The following EML6 variants were observed in gnomAD, a reference collection of about 807,000 sequenced individuals.
EML6 encodes EMAP like 6.
EML6 carries 154 observed loss-of-function variants against 240.1 expected under a neutral mutation model. That is an observed-to-expected ratio of 0.64 (90% CI 0.56 to 0.73). The LOEUF is 0.73. EML6 is among the 30% of genes least tolerant of loss of function. EML6 has a pLI of 0.00. For missense variants in EML6, 2,964 were observed against 2,474.6 expected, an observed-to-expected ratio of 1.20 and a Z score of -4.20; for synonymous variants, 1,148 against 899.0, an observed-to-expected ratio of 1.28 and a Z score of -4.95.
At position 54,964,144 on chromosome 2, in the gene EML6, T is replaced by A; in HGVS notation, c.5316T>A (p.Ala1772=). The A allele has an allele frequency of 1.3e-6, 2 of 1,551,590 alleles. No homozygotes were observed. Among genetic ancestry groups the A allele is most frequent in the Non-Finnish European group, 1.7e-6 (2 of 1,146,926 alleles). Residue 1772 remains alanine, a synonymous_variant, in exon 37 of 42, where the codon GCT becomes GCA. Coordinates refer to ENST00000356458, the MANE Select transcript of EML6 (RefSeq NM_001039753.4). ...VWGKKRDRKS[A]IQDIRISPDN... ...GGAAAAAACGAGACCGGAAATCTGC[T>A]ATCCAAGATATCAGGTACCTAAGTG...
intron 8 of EML6, among the ~76,000 whole-genome samples, chr2:54,847,127 C>T (rs1021296480): frequency 1.4e-5 from 2 of 147,182 alleles, no homozygotes; most frequent in African/African-American, 2.5e-5. Flanking sequence ...AGGCTATTCT[C>T]GAACTCCTGG....
intron 28 of EML6, among the ~76,000 whole-genome samples, chr2:54,940,005 C>T (rs775160521): frequency 2.0e-5 from 3 of 152,200 alleles, no homozygotes; most frequent in Non-Finnish European, 2.9e-5. Context: ...TATTTTAGTC[C>T]TTGTGGAATA....
rs746498010 is a variant in EML6, at chr2:54,916,852, G to A, written c.3592G>A (p.Ala1198Thr). 6 of 1,550,860 alleles carry A rather than the reference G, an allele frequency of 3.9e-6. No individual in the cohort carries two copies. The South Asian group carries it at 4.8e-5, about 12-fold the overall frequency. ...PAHSDITDVN[A>T]ASLTKDCSLL... ...ACATAGCGATATAACTGACGTAAAT[G>A]CTGCCAGTCTTACCAAAGACTGTTC... is the stretch of plus-strand genomic sequence containing the variant. The change falls in exon 26 of 42, where the codon GCT (alanine) becomes ACT (threonine). Residue 1198 changes from alanine (A) to threonine (T), a missense_variant. Transcript: ENST00000356458.
chr2:54,872,362 T>C, intron 16 of EML6, among the ~76,000 whole-genome samples: 1 of 152,216 alleles, frequency 6.6e-6, no homozygotes, highest in Non-Finnish European at 1.5e-5. Context: ...CTAAATTTTA[T>C]TCAAATGCTT....
At position 54,866,817 on chromosome 2, in the gene EML6, C is replaced by T. The variant is rs1670994707; in HGVS notation, c.1984C>T (p.His662Tyr). The change falls in exon 14 of 42, where the codon CAC (histidine) becomes TAC (tyrosine). Residue 662 changes from histidine to tyrosine, a missense_variant. Physicochemically the swap from His to Tyr is moderately conservative, Grantham distance 83. Coordinates refer to ENST00000356458, the MANE Select transcript of EML6 (RefSeq NM_001039753.4). ...AAAGCAACAAAGTAAAGAGAAAAACCACGCAGTGCCCTTCCTCAAACGAGA... is the reference window on the plus strand; with the variant it reads ...AAAGCAACAAAGTAAAGAGAAAAACTACGCAGTGCCCTTCCTCAAACGAGA... ...QLKQQSKEKN[H>Y]AVPFLKREKA... The T allele has an allele frequency of 4.5e-6, 7 of 1,551,080 alleles. No homozygotes were observed. Among genetic ancestry groups the T allele is most frequent in the Middle Eastern group, 3.3e-4 (2 of 5,986 alleles).
At position 54,968,298 on chromosome 2, in the gene EML6, G is replaced by A; in HGVS notation, c.5751+17G>A. On this transcript the variant is annotated intron_variant, in intron 40 of 41. Coordinates refer to ENST00000356458, the MANE Select transcript of EML6 (RefSeq NM_001039753.4). Reference sequence around the variant, plus strand: ...GAAAAATTTGTGAGTGTTCCTCAGAGTAACCTCCCTGCAGGTTCTCTGTTT... The same window carrying A: ...GAAAAATTTGTGAGTGTTCCTCAGAATAACCTCCCTGCAGGTTCTCTGTTT... 2 of 1,551,596 alleles carry A rather than the reference G, an allele frequency of 1.3e-6. No individual in the cohort carries two copies. Among genetic ancestry groups the A allele is most frequent in the African/African-American group, 1.4e-5 (1 of 73,182 alleles).
In EML6 at chr2:54,957,860, C is replaced by G; in HGVS notation, c.4557C>G (p.Asp1519Glu). The G allele has an allele frequency of 6.4e-7, 1 of 1,551,234 alleles. No individual in the cohort carries two copies. Residue 1519 changes from aspartate to glutamate, a missense_variant, in exon 33 of 42, where the codon GAC (aspartate) becomes GAG (glutamate). Transcript: ENST00000356458. Reference protein sequence around the residue: ...IFVVEFRPDSDTQFVSVGVKH... With the variant: ...IFVVEFRPDSETQFVSVGVKH... The stretch of plus-strand genomic sequence containing the variant: ...TGGTGGAATTTCGCCCCGACTCAGA[C>G]ACGCAGTTTGTATCTGTCGGGGTCA...
In EML6 at chr2:54,916,810, G is replaced by A; in HGVS notation, c.3550G>A (p.Glu1184Lys). 1 of 1,546,674 alleles carries A rather than the reference G, an allele frequency of 6.5e-7. No individual in the cohort carries two copies. The highest frequency in any genetic ancestry group is 8.7e-7 in the Non-Finnish European group (1 of 1,143,014). The stretch of plus-strand genomic sequence containing the variant: ...GACCTGTGTCCTGGGGCCCACCTGT[G>A]AGGGAATCTGGCCAGCACATAGCGA... The part of the protein sequence containing the change: ...TWTCVLGPTC[E>K]GIWPAHSDIT... The change falls in exon 26 of 42, where the codon GAG (glutamate) becomes AAG (lysine). Residue 1184 changes from glutamate (E) to lysine (K), a missense_variant. Glu to Lys is a moderately conservative substitution (Grantham distance 56). Transcript: ENST00000356458.
At chr2:54,931,771 G>T (rs1333250101) in intron 28 of EML6, among the ~76,000 whole-genome samples, 1 of 152,188 alleles carries the variant, frequency 6.6e-6, no homozygotes, top group Non-Finnish European at 1.5e-5. Flanking sequence ...ACTCCACGCA[G>T]GGTCCTTAGC....
chr2:54,829,325 C>T lies in EML6; in HGVS notation c.712-17C>T. Reference sequence around the variant, plus strand: ...AGGATGGTTGCACCATTGAGTATTACCTGTTTTAATCAACAGGCTGGAATC... The same window carrying T: ...AGGATGGTTGCACCATTGAGTATTATCTGTTTTAATCAACAGGCTGGAATC... On this transcript the variant is annotated splice_polypyrimidine_tract_variant and intron_variant, in intron 6 of 41. Coordinates refer to ENST00000356458, the MANE Select transcript of EML6 (RefSeq NM_001039753.4). The T allele has an allele frequency of 6.4e-7, 1 of 1,550,498 alleles. No homozygotes were observed. The highest frequency in any genetic ancestry group is 8.7e-7 in the Non-Finnish European group (1 of 1,146,198).
At chr2:54,920,434 TACAC>T (rs751379699) in intron 26 of EML6, among the ~76,000 whole-genome samples, 110 of 152,176 alleles carry the variant, frequency 7.2e-4, no homozygotes, top group Non-Finnish European at 1.2e-3. Context: ...TATCTGGAAA[TACAC>T]AGCCTACCAA....
intron 21 of EML6, among the ~76,000 whole-genome samples, chr2:54,897,957 C>T (rs778332190): frequency 6.6e-6 from 1 of 152,048 alleles, no homozygotes; most frequent in Non-Finnish European, 1.5e-5. Flanking sequence ...GGCTGTCCTG[C>T]CGGAAGAAGA....
At chr2:54,860,240 G>A (rs539505118) in intron 12 of EML6, among the ~76,000 whole-genome samples, 5 of 152,254 alleles carry the variant, frequency 3.3e-5, no homozygotes, top group East Asian at 3.9e-4. Flanking sequence ...TAGGTTACCC[G>A]TGGACTGGCT....
At position 54,934,688 on chromosome 2, in the gene EML6, T is replaced by C. The variant is rs1159058084; in HGVS notation, c.4004+5937T>C. 2.0e-5 allele frequency among the ~76,000 whole-genome samples: 3 copies of C among 152,270 alleles called. No individual in the cohort carries two copies. The East Asian group carries it at 5.8e-4, about 29-fold the overall frequency. The stretch of plus-strand genomic sequence containing the variant: ...CTTCAGTCCCCCAAGTACCTGGGAC[T>C]AGGACTACAGGTGTGCACCACCATA... On this transcript the variant is annotated intron_variant, in intron 28 of 41. Transcript: ENST00000356458.
At chr2:54,857,038 G>A (rs967677196) in intron 11 of EML6, among the ~76,000 whole-genome samples, 1 of 152,184 alleles carries the variant, frequency 6.6e-6, no homozygotes, top group African/African-American at 2.4e-5. Context: ...AATCAAGGAT[G>A]ACTTCTAAGT....
In EML6 at chr2:54,742,525, A is replaced by G. The variant is rs1271781733; in HGVS notation, c.197+17267A>G. 3.9e-5 allele frequency among the ~76,000 whole-genome samples: 6 copies of G among 152,328 alleles called. No individual in the cohort carries two copies. The East Asian group carries it at 1.2e-3, about 29-fold the overall frequency. ...CACTGTAGCATTTTCTCCGTCTCTT[A>G]AACACGTCTCAATTCTGCTATGACT... On this transcript the variant is annotated intron_variant, in intron 2 of 41. Transcript: ENST00000356458.
intron 2 of EML6, among the ~76,000 whole-genome samples, chr2:54,793,386 T>TA (rs1669571766): frequency 5.3e-4 from 3 of 5,654 alleles, no homozygotes; most frequent in African/African-American, 4.1e-3. Flanking sequence ...ATGAGTAGGC[T>TA]TTTTTTTTTT....
At chr2:54,851,939 C>G (rs1166471350) in intron 10 of EML6, among the ~76,000 whole-genome samples, 1 of 152,204 alleles carries the variant, frequency 6.6e-6, no homozygotes, top group Non-Finnish European at 1.5e-5. Flanking sequence ...GCTACATTAT[C>G]ATTAGGAAAA....
chr2:54,940,679 C>T (rs957113552), intron 28 of EML6, among the ~76,000 whole-genome samples: 5 of 152,310 alleles, frequency 3.3e-5, no homozygotes, highest in Middle Eastern at 6.8e-3. Flanking sequence ...TCTTGGTCAG[C>T]GACCACTTTT....
Sources: allele counts gnomAD v4.1 joint callset (sites outside exome capture counted in the v4.1 genomes callset), GRCh38; gene constraint gnomAD v4.1.1; transcripts MANE v1.5; gene names NCBI Gene and HGNC (gene_info 2026-07-23, HGNC 2026-07-21).